The following TNFRSF11A variants were observed in gnomAD, a reference collection of about 807,000 sequenced individuals.
TNFRSF11A encodes tumor necrosis factor receptor superfamily member 11A.
TNFRSF11A carries 32 observed loss-of-function variants against 55.7 expected under a neutral mutation model. That is an observed-to-expected ratio of 0.57 (90% CI 0.43 to 0.77). The LOEUF (loss-of-function observed/expected upper bound fraction) is 0.77, where lower values mean the gene tolerates loss of function less well. Among genes scored for constraint, TNFRSF11A ranks in the 30% least tolerant of loss-of-function variants. The probability of loss-of-function intolerance (pLI) is 0.00; values close to 1 mark genes in which losing one functional copy is unlikely to be tolerated. For synonymous variants in TNFRSF11A, 311 were observed against 331.0 expected (o/e 0.94, Z 0.65); for missense variants, 753 against 809.8 (o/e 0.93, Z 0.85).
At chr18:62,362,476 G>A (rs1334334855) in intron 7 of TNFRSF11A, among the ~76,000 whole-genome samples, 2 of 84,720 alleles carry the variant, frequency 2.4e-5, no homozygotes, top group African/African-American at 4.8e-5. Flanking sequence ...GACAACAAGA[G>A]CAAAACTTCA....
At chr18:62,362,389 C>T (rs2145333750) in intron 7 of TNFRSF11A, among the ~76,000 whole-genome samples, 1 of 147,810 alleles carries the variant, frequency 6.8e-6, no homozygotes, top group Non-Finnish European at 1.5e-5. Context: ...ACTTGAGAGG[C>T]TGAGGTAGGA....
intron 1 of TNFRSF11A, among the ~76,000 whole-genome samples, chr18:62,345,695 TAA>T (rs2046372995): frequency 1.3e-5 from 2 of 152,312 alleles, no homozygotes; most frequent in Non-Finnish European, 2.9e-5. Flanking sequence ...AGGTATACTT[TAA>T]AAGGTTTAAT....
At chr18:62,337,288 T>C (rs935667912) in intron 1 of TNFRSF11A, among the ~76,000 whole-genome samples, 2 of 152,226 alleles carry the variant, frequency 1.3e-5, no homozygotes, top group South Asian at 4.1e-4. Context: ...TAATAATATA[T>C]GTTTTAAAAA....
intron 1 of TNFRSF11A, among the ~76,000 whole-genome samples, chr18:62,328,125 AG>A (rs2046100798): frequency 6.6e-6 from 1 of 151,660 alleles, no homozygotes; most frequent in South Asian, 2.1e-4. Flanking sequence ...GTCACAGTCT[AG>A]TGGAGAGCGC....
chr18:62,367,950 C>T (rs1910222443), intron 8 of TNFRSF11A, among the ~76,000 whole-genome samples: 1 of 151,858 alleles, frequency 6.6e-6, no homozygotes, highest in Admixed American at 6.6e-5. Flanking sequence ...CCCGCCACCA[C>T]ACCCAACTAA....
chr18:62,327,471 G>A (rs991934457), intron 1 of TNFRSF11A, among the ~76,000 whole-genome samples: 4 of 152,186 alleles, frequency 2.6e-5, no homozygotes, highest in Non-Finnish European at 4.4e-5. Context: ...CAGTAGAAAT[G>A]CATTTTCTCT....
chr18:62,376,583 C>T (rs1230718003), intron 9 of TNFRSF11A, among the ~76,000 whole-genome samples: 1 of 152,112 alleles, frequency 6.6e-6, no homozygotes, highest in African/African-American at 2.4e-5. Context: ...GGTACATTTG[C>T]TGCACTTGAC....
chr18:62,328,059 C>T (rs969335554), intron 1 of TNFRSF11A, among the ~76,000 whole-genome samples: 1 of 152,216 alleles, frequency 6.6e-6, no homozygotes, highest in African/African-American at 2.4e-5. Flanking sequence ...CGCAGGACAA[C>T]AGACATTGGT....
rs186402657 is a variant in TNFRSF11A, at chr18:62,329,531, A to G, written c.75+4104A>G. Among the ~76,000 whole-genome samples, 268 of 152,196 alleles carry G rather than the reference A, an allele frequency of 1.8e-3. 1 individual carries two copies. Among genetic ancestry groups the G allele is most frequent in the African/African-American group, 6.3e-3 (260 of 41,506 alleles). On this transcript the variant is annotated intron_variant, in intron 1 of 9. Coordinates refer to ENST00000586569, the MANE Select transcript of TNFRSF11A (RefSeq NM_003839.4). ...CTCTAGTTGCAGTGTGGGGCTTTCT[A>G]TGGTGTCCACTGCTGGAAACACAGT...
chr18:62,349,166 C>CTTTTTTTTTTTTT (rs35392545), intron 2 of TNFRSF11A, among the ~76,000 whole-genome samples: 1 of 143,322 alleles, frequency 7.0e-6, no homozygotes, highest in Non-Finnish European at 1.5e-5. Flanking sequence ...CATTCTATTC[C>CTTTTTTTTTTTTT]TTTTTTTTTT....
intron 9 of TNFRSF11A, among the ~76,000 whole-genome samples, chr18:62,382,906 T>C (rs1178305475): frequency 1.3e-5 from 2 of 152,248 alleles, no homozygotes; most frequent in Non-Finnish European, 2.9e-5. Flanking sequence ...TTCACTGCTT[T>C]ACCTAATATG....
intron 9 of TNFRSF11A, among the ~76,000 whole-genome samples, chr18:62,376,288 T>G (rs908608087): frequency 4.7e-5 from 7 of 149,890 alleles, no homozygotes; most frequent in Non-Finnish European, 1.0e-4. Context: ...CTTTTTTTTT[T>G]TTTTTTTTGG....
intron 4 of TNFRSF11A, 43 bp downstream of exon 4, chr18:62,354,577 T>A (rs1232369716): frequency 6.3e-7 from 1 of 1,599,616 alleles, no homozygotes. Flanking sequence ...TGCTGAGCCA[T>A]GCAAAGCCAG....
chr18:62,367,259 C>G (rs1910159602), intron 8 of TNFRSF11A, among the ~76,000 whole-genome samples: 1 of 152,204 alleles, frequency 6.6e-6, no homozygotes, highest in South Asian at 2.1e-4. Flanking sequence ...ATTCTAGATG[C>G]CTGTTTTCTT....
In TNFRSF11A at chr18:62,354,248, C is replaced by T. The variant is rs747129969; in HGVS notation, c.284-143C>T. ...GTGCGAGGAGGAACTTGGGACTTCT[C>T]GAGCAGTGTCCTGGTGATTCACTCT... is the stretch of plus-strand genomic sequence containing the variant. On this transcript the variant is annotated intron_variant, in intron 3 of 9. Coordinates refer to ENST00000586569, the MANE Select transcript of TNFRSF11A (RefSeq NM_003839.4). The T allele has an allele frequency of 7.3e-5, 77 of 1,054,566 alleles. 1 individual carries two copies. In the South Asian group the frequency reaches 8.7e-4, roughly 12 times the overall value. 65.3% of individuals were successfully genotyped at this position (1,054,566 alleles called of 1,614,324 possible). A position where few individuals can be genotyped will look rare whatever the true frequency, so the allele number is the denominator to read the frequency against.
intron 7 of TNFRSF11A, among the ~76,000 whole-genome samples, chr18:62,364,648 G>A (rs1265352060): frequency 6.6e-6 from 1 of 152,142 alleles, no homozygotes; most frequent in Non-Finnish European, 1.5e-5. Context: ...GGGGGGTAGG[G>A]AGGGCGTGGT....
chr18:62,352,641 C>T (rs531074269), intron 3 of TNFRSF11A, among the ~76,000 whole-genome samples: 10 of 152,314 alleles, frequency 6.6e-5, no homozygotes, highest in Non-Finnish European at 1.0e-4. Context: ...GGCTTACATT[C>T]GGATGGGATC....
intron 2 of TNFRSF11A, 147 bp from the exon 3 acceptor site, chr18:62,349,665 T>C (rs1039576298): frequency 1.1e-6 from 1 of 899,238 alleles, no homozygotes; most frequent in Non-Finnish European, 1.8e-6. Flanking sequence ...TCCTGTGTCA[T>C]ATTGTCTTTG....
intron 1 of TNFRSF11A, among the ~76,000 whole-genome samples, chr18:62,333,244 TGTGG>T (rs928771378): frequency 9.9e-5 from 15 of 151,934 alleles, no homozygotes; most frequent in African/African-American, 3.6e-4. Context: ...GTTCTCCAAC[TGTGG>T]GGTCTGGGCC....
Sources: allele counts gnomAD v4.1 joint callset (sites outside exome capture counted in the v4.1 genomes callset), GRCh38; gene constraint gnomAD v4.1.1; transcripts MANE v1.5; gene names NCBI Gene and HGNC (gene_info 2026-07-23, HGNC 2026-07-21).